Variants in SCUBE1 observed in about 807,000 individuals in gnomAD.
SCUBE1 encodes the protein signal peptide, CUB and EGF-like domain-containing protein 1.
Under a neutral mutation model 124.4 loss-of-function variants are expected in SCUBE1, and 59 were observed. The ratio of observed to expected loss-of-function variants is 0.47; its 90% CI spans 0.38 to 0.59. The LOEUF (loss-of-function observed/expected upper bound fraction) is 0.59. SCUBE1 is among the 20% of genes least tolerant of loss of function. The probability of loss-of-function intolerance (pLI) is 0.00; values close to 1 mark genes in which losing one functional copy is unlikely to be tolerated. For missense variants in SCUBE1, 1,150 were observed against 1,371.2 expected, an observed-to-expected ratio of 0.84 and a Z score of 2.55; for synonymous variants, 545 against 550.9, an observed-to-expected ratio of 0.99 and a Z score of 0.15.
chr22:43,255,552 G>A lies in SCUBE1; in HGVS notation c.727+2667C>T. On this transcript the variant is annotated intron_variant, in intron 6 of 21. Coordinates refer to ENST00000360835, the MANE Select transcript of SCUBE1 (RefSeq NM_173050.5). The surrounding 1 kb of genome is among the most constrained non-coding windows in gnomAD (Gnocchi z 4.7). ...CTACTGACGTGGCATTGAACTGAGA[G>A]CGCTCAATTGCAGCCTCATCCTTCT... 2 of 1,550,552 alleles carry A rather than the reference G, an allele frequency of 1.3e-6. No individual in the cohort carries two copies. Among genetic ancestry groups the A allele is most frequent in the Non-Finnish European group, 1.7e-6 (2 of 1,146,998 alleles).
At chr22:43,284,947 G>C (rs1465318869) in intron 4 of SCUBE1, among the ~76,000 whole-genome samples, 1 of 152,144 alleles carries the variant, frequency 6.6e-6, no homozygotes, top group Non-Finnish European at 1.5e-5. Flanking sequence ...CCTGTGGAGG[G>C]AGGGCAATGC....
chr22:43,293,333 G>A (rs370618809), intron 3 of SCUBE1, among the ~76,000 whole-genome samples: 2 of 152,242 alleles, frequency 1.3e-5, no homozygotes, highest in Non-Finnish European at 2.9e-5. Context: ...ATGAGGACAC[G>A]GAGGCTCCGG....
At chr22:43,214,725 G>A (rs975279137) in intron 15 of SCUBE1, among the ~76,000 whole-genome samples, 4 of 152,226 alleles carry the variant, frequency 2.6e-5, no homozygotes, top group Non-Finnish European at 4.4e-5. Context: ...AGGGCCTGGC[G>A]GGCGAGGTGG....
chr22:43,302,563 G>A (rs1178862813), intron 3 of SCUBE1, among the ~76,000 whole-genome samples: 1 of 152,196 alleles, frequency 6.6e-6, no homozygotes. Flanking sequence ...CCTCAGCCCA[G>A]GGCAGTAGCT....
chr22:43,246,685 G>C (rs1389318574), intron 6 of SCUBE1, among the ~76,000 whole-genome samples: 1 of 152,254 alleles, frequency 6.6e-6, no homozygotes, highest in Non-Finnish European at 1.5e-5. Context: ...ATACAGCTCA[G>C]CCTGGAGGCT....
chr22:43,295,450 T>C (rs760409633), intron 3 of SCUBE1, among the ~76,000 whole-genome samples: 1 of 152,170 alleles, frequency 6.6e-6, no homozygotes, highest in African/African-American at 2.4e-5. Context: ...GGAGGGTAAA[T>C]GGGATGGCAC....
Position 43,299,830 on chromosome 22 carries a change from C to T in SCUBE1, c.350-8650G>A, listed in dbSNP as rs562884474. Among the ~76,000 whole-genome samples, 3 of 152,314 alleles carry T rather than the reference C, an allele frequency of 2.0e-5. 1 individual carries two copies. Among genetic ancestry groups the T allele is most frequent in the South Asian group, 4.1e-4 (2 of 4,830 alleles). On this transcript the variant is annotated intron_variant, in intron 3 of 21. Coordinates refer to ENST00000360835, the MANE Select transcript of SCUBE1 (RefSeq NM_173050.5). ...CCCTGGAAACCACATGTCTACTTTCCATCTATGGTTTGCCCATTCTGGACA... is the reference window on the plus strand; with the variant it reads ...CCCTGGAAACCACATGTCTACTTTCTATCTATGGTTTGCCCATTCTGGACA...
intron 3 of SCUBE1, among the ~76,000 whole-genome samples, chr22:43,313,390 C>G (rs892500702): frequency 6.6e-6 from 1 of 152,052 alleles, no homozygotes; most frequent in African/African-American, 2.4e-5. Context: ...AGATCGGGGT[C>G]GAAGAAAACA....
At chr22:43,240,102 C>T (rs911928277) in intron 6 of SCUBE1, among the ~76,000 whole-genome samples, 1 of 152,170 alleles carries the variant, frequency 6.6e-6, no homozygotes, top group Admixed American at 6.5e-5. Flanking sequence ...CCTCATGTTC[C>T]CCTCTGTGTG....
intron 2 of SCUBE1, among the ~76,000 whole-genome samples, chr22:43,325,368 C>T (rs555832472): frequency 4.7e-5 from 7 of 147,786 alleles, no homozygotes; most frequent in Admixed American, 1.4e-4. Flanking sequence ...GCTTGGACTC[C>T]GGAGGCGGAG....
At chr22:43,231,281 G>A (rs1389610391) in intron 8 of SCUBE1, among the ~76,000 whole-genome samples, 1 of 152,218 alleles carries the variant, frequency 6.6e-6, no homozygotes, top group Non-Finnish European at 1.5e-5. Context: ...CTGGGCTCCT[G>A]CTGCATCCTG....
At chr22:43,265,325 A>G (rs1178979572) in intron 4 of SCUBE1, among the ~76,000 whole-genome samples, 1 of 152,180 alleles carries the variant, frequency 6.6e-6, no homozygotes, top group Non-Finnish European at 1.5e-5. Flanking sequence ...CTCTAGCATG[A>G]CTATGGACTG....
intron 15 of SCUBE1, among the ~76,000 whole-genome samples, chr22:43,214,862 C>T (rs1003894226): frequency 2.6e-5 from 4 of 152,116 alleles, no homozygotes; most frequent in Admixed American, 6.5e-5. Context: ...GAAAGGGAGC[C>T]GAGTTTCTCA....
In SCUBE1 at chr22:43,248,371, G is replaced by A. The variant is rs566672289; in HGVS notation, c.728-9417C>T. On this transcript the variant is annotated intron_variant, in intron 6 of 21. Coordinates refer to ENST00000360835, the MANE Select transcript of SCUBE1 (RefSeq NM_173050.5). ...TCCCATCTGGGCCAGGCAATGCCCC[G>A]AGCCCTCGTCTTTTCTCTACTAAGC... Among the ~76,000 whole-genome samples, 3 of 152,300 alleles carry A rather than the reference G, an allele frequency of 2.0e-5. No individual in the cohort carries two copies. The East Asian group carries it at 5.8e-4, about 29-fold the overall frequency.
chr22:43,208,132 A>G lies in SCUBE1; in HGVS notation c.2674T>C (p.Phe892Leu). Residue 892 changes from phenylalanine (F) to leucine (L), a missense_variant, in exon 20 of 22, where the codon TTC becomes CTC. Physicochemically the swap from Phe to Leu is conservative, Grantham distance 22. This residue lies in a region of SCUBE1 where 757 missense variants were observed against 840.9 expected (regional missense o/e 0.90). Transcript: ENST00000360835. ...TSRSRKLWIQ[F>L]KSNEGNSGKG... ...CCGCTGTTGCCTTCATTGGATTTGA[A>G]CTGGATCCAGAGCTTGCGGGAGCGG... The G allele has an allele frequency of 6.2e-7, 1 of 1,614,052 alleles. No individual in the cohort carries two copies. Among genetic ancestry groups the G allele is most frequent in the Non-Finnish European group, 8.5e-7 (1 of 1,179,988 alleles).
At chr22:43,314,064 T>C (rs925310875) in intron 3 of SCUBE1, among the ~76,000 whole-genome samples, 17 of 152,110 alleles carry the variant, frequency 1.1e-4, no homozygotes, top group South Asian at 4.1e-4. Context: ...CTATTCCTGA[T>C]GGGCGATGGG....
chr22:43,207,795 C>A (rs903004198), intron 20 of SCUBE1, among the ~76,000 whole-genome samples, 182 bp from the exon 21 acceptor site: 1 of 152,198 alleles, frequency 6.6e-6, no homozygotes, highest in Non-Finnish European at 1.5e-5. Flanking sequence ...TTGTCCTCCT[C>A]GGGGTTTCAC....
At chr22:43,283,813 AT>A (rs1341020792) in intron 4 of SCUBE1, 1 of 152,274 alleles carries the variant, frequency 6.6e-6, no homozygotes, top group Non-Finnish European at 1.5e-5. Flanking sequence ...TTATTTCAAA[AT>A]AAAAAATTCT....
intron 3 of SCUBE1, among the ~76,000 whole-genome samples, chr22:43,291,797 T>C (rs1181965756): frequency 2.0e-5 from 3 of 152,202 alleles, no homozygotes; most frequent in South Asian, 2.1e-4. Flanking sequence ...GCATCTTACC[T>C]GTATTAATTC....
Sources: gnomAD v4.1 joint callset for allele counts (sites outside exome capture counted in the v4.1 genomes callset) on GRCh38, gnomAD v4.1.1 for gene constraint, gnomAD v4.1.1 regional missense constraint, Gnocchi (gnomAD v3.1) non-coding constraint, MANE v1.5 for transcripts, NCBI Gene and HGNC (gene_info 2026-07-23, HGNC 2026-07-21) for gene names.